The following SPOCK1 variants were observed in gnomAD, a reference collection of about 807,000 sequenced individuals.
SPOCK1 encodes the protein SPARC (osteonectin), cwcv and kazal like domains proteoglycan 1.
Under a neutral mutation model 55.3 loss-of-function variants are expected in SPOCK1, and 23 were observed. That is an observed-to-expected ratio of 0.42 (90% confidence interval 0.30 to 0.59). The LOEUF is 0.59. Among genes scored for constraint, SPOCK1 ranks in the 20% least tolerant of loss-of-function variants. SPOCK1 has a pLI of 0.22. For missense variants in SPOCK1, 499 were observed against 552.5 expected (o/e 0.90, Z 0.97); for synonymous variants, 226 against 221.0 (o/e 1.02, Z -0.20).
chr5:137,418,677 G>A (rs1441950090), intron 2 of SPOCK1, among the ~76,000 whole-genome samples: 1 of 152,072 alleles, frequency 6.6e-6, no homozygotes, highest in African/African-American at 2.4e-5. Flanking sequence ...ATTTGTTTGA[G>A]TTCTTTGTAG....
At chr5:137,361,985 C>T (rs1279607497) in intron 2 of SPOCK1, among the ~76,000 whole-genome samples, 1 of 152,142 alleles carries the variant, frequency 6.6e-6, no homozygotes, top group Admixed American at 6.5e-5. Flanking sequence ...TCAGCCCCAG[C>T]CACTCAGTAA....
intron 2 of SPOCK1, among the ~76,000 whole-genome samples, chr5:137,340,398 A>G (rs1476808169): frequency 1.3e-5 from 2 of 152,234 alleles, no homozygotes; most frequent in African/African-American, 4.8e-5. Context: ...GCTTCAGAAC[A>G]TCCAGGGCTG....
chr5:137,422,569 G>T (rs1344968715), intron 2 of SPOCK1, among the ~76,000 whole-genome samples: 1 of 152,050 alleles, frequency 6.6e-6, no homozygotes, highest in Non-Finnish European at 1.5e-5. Flanking sequence ...TCTTCCAGTT[G>T]ATCGAATCAG....
At chr5:137,171,866 T>C (rs1040570350) in intron 3 of SPOCK1, among the ~76,000 whole-genome samples, 17 of 152,156 alleles carry the variant, frequency 1.1e-4, no homozygotes, top group African/African-American at 3.9e-4. Context: ...TAAACATATG[T>C]TATATGTGTG....
At chr5:137,072,163 C>G (rs535069358) in intron 5 of SPOCK1, among the ~76,000 whole-genome samples, 1 of 152,208 alleles carries the variant, frequency 6.6e-6, no homozygotes, top group East Asian at 1.9e-4. Context: ...AGAACTTGGC[C>G]AAGTTGTATC....
intron 3 of SPOCK1, among the ~76,000 whole-genome samples, chr5:137,217,048 C>G (rs1315955620): frequency 6.6e-6 from 1 of 152,076 alleles, no homozygotes; most frequent in African/African-American, 2.4e-5. Context: ...GTGGAGAGCT[C>G]AGACTTGACA....
Position 136,978,793 on chromosome 5 carries a change from A to C in SPOCK1, c.1181T>G (p.Leu394Arg), listed in dbSNP as rs1750668697. ...GDFGSGGSVVLLDDLEYEREL... is the reference protein window; with the variant it reads ...GDFGSGGSVVRLDDLEYEREL... Reference sequence around the variant, plus strand: ...CCGTTCATATTCTAGGTCATCCAGCAGGACCACGGACCCACCACTGCCAAA... The same window carrying C: ...CCGTTCATATTCTAGGTCATCCAGCCGGACCACGGACCCACCACTGCCAAA... The change falls in exon 11 of 11, where the codon CTG becomes CGG. Residue 394 changes from leucine (L) to arginine (R), a missense_variant. Leu to Arg is a moderately radical substitution (Grantham distance 102). This residue lies in a region of SPOCK1 where 83 missense variants were observed against 87.5 expected (regional missense o/e 0.95). Transcript: ENST00000394945. The C allele has an allele frequency of 6.2e-7, 1 of 1,613,994 alleles. No individual in the cohort carries two copies. The highest frequency in any genetic ancestry group is 1.3e-5 in the African/African-American group (1 of 75,024).
At chr5:137,271,634 T>C (rs894979012) in intron 2 of SPOCK1, among the ~76,000 whole-genome samples, 1 of 152,194 alleles carries the variant, frequency 6.6e-6, no homozygotes, top group Non-Finnish European at 1.5e-5. Flanking sequence ...AGCCCCAAAA[T>C]GACTGATGCA....
intron 2 of SPOCK1, among the ~76,000 whole-genome samples, chr5:137,496,554 C>A (rs1754302357): frequency 6.6e-6 from 1 of 152,230 alleles, no homozygotes; most frequent in South Asian, 2.1e-4. Context: ...CTAATCCTGG[C>A]TCAATTCTTC....
chr5:137,265,034 G>T (rs1756822472), intron 3 of SPOCK1, among the ~76,000 whole-genome samples: 1 of 152,148 alleles, frequency 6.6e-6, no homozygotes, highest in Non-Finnish European at 1.5e-5. Context: ...TGCAGAGCTA[G>T]AAAAAGAGAA....
intron 3 of SPOCK1, among the ~76,000 whole-genome samples, chr5:137,163,086 A>G (rs528558196): frequency 1.3e-5 from 2 of 152,292 alleles, no homozygotes; most frequent in African/African-American, 4.8e-5. Flanking sequence ...GCTGATCCTA[A>G]TGAAAACAGA....
Position 136,977,671 on chromosome 5 carries a change from C to A in SPOCK1, c.*983G>T. On this transcript the variant is annotated 3_prime_UTR_variant, in exon 11 of 11. Coordinates refer to ENST00000394945, the MANE Select transcript of SPOCK1 (RefSeq NM_004598.4). ...CTTCAAGCAGAAATGAAAGAGATGGCTTGTGAAGCTGCCCGTGTCGTGTGG... is the reference window on the plus strand; with the variant it reads ...CTTCAAGCAGAAATGAAAGAGATGGATTGTGAAGCTGCCCGTGTCGTGTGG... 1 of 397,148 alleles carries A rather than the reference C, an allele frequency of 2.5e-6. No individual in the cohort carries two copies. Among genetic ancestry groups the A allele is most frequent in the Non-Finnish European group, 4.4e-6 (1 of 225,312 alleles). 24.6% of individuals were successfully genotyped at this position (397,148 alleles called of 1,614,324 possible). A position where few individuals can be genotyped will look rare whatever the true frequency, so the allele number is the denominator to read the frequency against.
intron 2 of SPOCK1, among the ~76,000 whole-genome samples, chr5:137,287,145 A>G (rs1160451892): frequency 2.0e-5 from 3 of 152,198 alleles, no homozygotes; most frequent in Non-Finnish European, 4.4e-5. Flanking sequence ...TTGCCTCCAA[A>G]GTCATCAGCC....
At chr5:137,104,898 A>T (rs1294447817) in intron 5 of SPOCK1, among the ~76,000 whole-genome samples, 1 of 152,168 alleles carries the variant, frequency 6.6e-6, no homozygotes, top group Non-Finnish European at 1.5e-5. Flanking sequence ...AATAAATGTG[A>T]TGTGTTTGAA....
At chr5:137,421,060 T>C (rs1304759199) in intron 2 of SPOCK1, among the ~76,000 whole-genome samples, 1 of 152,236 alleles carries the variant, frequency 6.6e-6, no homozygotes, top group Non-Finnish European at 1.5e-5. Context: ...ATGTACCCAG[T>C]AGTCATTCAG....
At chr5:137,178,578 T>C (rs1754904394) in intron 3 of SPOCK1, among the ~76,000 whole-genome samples, 1 of 152,206 alleles carries the variant, frequency 6.6e-6, no homozygotes, top group Admixed American at 6.5e-5. Flanking sequence ...TGAACTCAAA[T>C]GCTGAAGTTT....
At position 137,124,201 on chromosome 5, in the gene SPOCK1, T is replaced by C. The variant is rs192784335; in HGVS notation, c.348-11640A>G. ...GCAGGAAATCACATATTTCAATTAG[T>C]TTGCAGCATATTTCAATTAGTTTGC... is the stretch of plus-strand genomic sequence containing the variant. On this transcript the variant is annotated intron_variant, in intron 4 of 10. Coordinates refer to ENST00000394945, the MANE Select transcript of SPOCK1 (RefSeq NM_004598.4). Among the ~76,000 whole-genome samples, 636 of 152,248 alleles carry C rather than the reference T, an allele frequency of 4.2e-3. 2 individuals carry two copies. The highest frequency in any genetic ancestry group is 0.01 in the African/African-American group (421 of 41,548).
At chr5:137,434,366 T>G (rs1392489663) in intron 2 of SPOCK1, among the ~76,000 whole-genome samples, 1 of 151,706 alleles carries the variant, frequency 6.6e-6, no homozygotes, top group Non-Finnish European at 1.5e-5. Flanking sequence ...ATGGGGACTC[T>G]CCTACTATTA....
At chr5:137,245,776 C>CAAAAAAAAAAACA (rs143599362) in intron 3 of SPOCK1, among the ~76,000 whole-genome samples, 4 of 140,912 alleles carry the variant, frequency 2.8e-5, no homozygotes, top group South Asian at 2.4e-4. Flanking sequence ...CAAAACAAAA[C>CAAAAAAAAAAACA]AAAAAAAAAA....
Sources: gnomAD v4.1 joint callset for allele counts (sites outside exome capture counted in the v4.1 genomes callset) on GRCh38, gnomAD v4.1.1 for gene constraint, gnomAD v4.1.1 regional missense constraint, MANE v1.5 for transcripts, NCBI Gene and HGNC (gene_info 2026-07-23, HGNC 2026-07-21) for gene names.